Variants in ADAM2 observed in about 807,000 individuals in gnomAD.
The protein encoded by ADAM2 is disintegrin and metalloproteinase domain-containing protein 2.
In ADAM2, 101 loss-of-function variants were observed where a neutral mutation model predicts 99.3. That is an observed-to-expected ratio of 1.02 (90% CI 0.87 to 1.20). The LOEUF is 1.20. Ranked by LOEUF, ADAM2 falls within the 50% of genes most tolerant of loss-of-function variation. ADAM2 has a pLI of 0.00. For synonymous variants in ADAM2, 323 were observed against 287.6 expected (o/e 1.12, Z -1.25); for missense variants, 948 against 878.7 (o/e 1.08, Z -1.00).
At chr8:39,829,766 A>C (rs1290513054) in intron 3 of ADAM2, among the ~76,000 whole-genome samples, 1 of 152,050 alleles carries the variant, frequency 6.6e-6, no homozygotes, top group East Asian at 1.9e-4. Flanking sequence ...ATTGTTGTAT[A>C]ATCATGAAAT....
chr8:39,770,177 G>A (rs1802725598), intron 11 of ADAM2, among the ~76,000 whole-genome samples: 1 of 152,032 alleles, frequency 6.6e-6, no homozygotes, highest in African/African-American at 2.4e-5. Flanking sequence ...TAGAACTCCT[G>A]ACCTCGTGAT....
rs764701496 is a variant in ADAM2 at position 39,809,463 on chromosome 8, G to T, written c.517C>A (p.Gln173Lys). The change falls in exon 7 of 21, where the codon CAG becomes AAG. Residue 173 changes from glutamine (Q) to lysine (K), a missense_variant. Transcript: ENST00000265708. The part of the protein sequence containing the change: ...LSFKLQSVEP[Q>K]QDFAKYIEMH... ...TCTATATACTTTGCAAAATCTTGCT[G>T]TGGCTGAAAAAATCCACAAATTTTA... 7.0e-7 allele frequency: 1 copy of T among 1,428,760 alleles called. No homozygotes were observed. The highest frequency in any genetic ancestry group is 9.7e-7 in the Non-Finnish European group (1 of 1,026,688). The allele number at this position is 1,428,760 out of a possible 1,614,324, so 88.5% of individuals were successfully genotyped here. A position where few individuals can be genotyped will look rare whatever the true frequency, so the allele number is the denominator to read the frequency against.
Position 39,766,928 on chromosome 8 carries a change from G to C in ADAM2, c.1427C>G (p.Pro476Arg). The change falls in exon 14 of 21, where the codon CCG becomes CGG. Residue 476 changes from proline to arginine, a missense_variant. Pro to Arg is a moderately radical substitution (Grantham distance 103, BLOSUM62 -2). Transcript: ENST00000265708. ...PENHYVQTGH[P>R]CGLNQWICID... ...ACAGATCCATTGATTCAGTCCACAC[G>C]GATGCCCAGTCTGAACATAGTGGTT... 6.2e-7 allele frequency: 1 copy of C among 1,613,978 alleles called. No homozygotes were observed. The highest frequency in any genetic ancestry group is 8.5e-7 in the Non-Finnish European group (1 of 1,179,946).
chr8:39,787,238 A>G (rs573844009), intron 9 of ADAM2, among the ~76,000 whole-genome samples, 183 bp from the exon 10 acceptor site: 125 of 151,964 alleles, frequency 8.2e-4, no homozygotes, highest in Non-Finnish European at 1.6e-3. Flanking sequence ...TTTAAAAACA[A>G]AGTGTATTTT....
chr8:39,796,055 CT>C (rs999034743), intron 7 of ADAM2, among the ~76,000 whole-genome samples: 14 of 150,492 alleles, frequency 9.3e-5, no homozygotes, highest in Admixed American at 7.3e-4. Context: ...ATTAGATTCT[CT>C]TTTTTTTTCC....
At chr8:39,780,791 G>T (rs1325465087) in intron 10 of ADAM2, among the ~76,000 whole-genome samples, 1 of 151,972 alleles carries the variant, frequency 6.6e-6, no homozygotes, top group Non-Finnish European at 1.5e-5. Flanking sequence ...TACTAGTATT[G>T]ATATATAAAT....
chr8:39,821,493 C>T (rs1805186258), intron 5 of ADAM2, 93 bp downstream of exon 5: 1 of 985,552 alleles, frequency 1.0e-6, no homozygotes, highest in Non-Finnish European at 1.5e-6. Context: ...AGTCATGCCA[C>T]ACTTTAGAAC....
At chr8:39,757,576 T>G (rs944049496) in intron 15 of ADAM2, among the ~76,000 whole-genome samples, 3 of 152,156 alleles carry the variant, frequency 2.0e-5, no homozygotes, top group African/African-American at 7.2e-5. Flanking sequence ...GAAACCTGGA[T>G]GACTACTGAA....
At chr8:39,808,918 A>AAAAT (rs755612582) in intron 7 of ADAM2, among the ~76,000 whole-genome samples, 3 of 152,276 alleles carry the variant, frequency 2.0e-5, no homozygotes, top group Non-Finnish European at 4.4e-5. Context: ...TCCATCACAA[A>AAAAT]AAATAAATAA....
intron 3 of ADAM2, among the ~76,000 whole-genome samples, chr8:39,826,211 A>G (rs1805392394): frequency 6.6e-6 from 1 of 152,242 alleles, no homozygotes; most frequent in African/African-American, 2.4e-5. Context: ...CATAGTAACC[A>G]AAAGAGCATA....
chr8:39,781,818 T>A (rs1236260182), intron 10 of ADAM2, among the ~76,000 whole-genome samples: 1 of 152,184 alleles, frequency 6.6e-6, no homozygotes, highest in Non-Finnish European at 1.5e-5. Context: ...ATTTTTGATG[T>A]TTCACTATCG....
At chr8:39,766,699 C>A (rs1397598032) in intron 14 of ADAM2, 149 bp downstream of exon 14, 2 of 658,466 alleles carry the variant, frequency 3.0e-6, no homozygotes, top group East Asian at 5.8e-5. Context: ...TGAGCCACCG[C>A]GCCTGGCCGT....
chr8:39,823,658 G>A (rs1805287334), intron 4 of ADAM2, among the ~76,000 whole-genome samples: 1 of 151,728 alleles, frequency 6.6e-6, no homozygotes, highest in African/African-American at 2.4e-5. Context: ...CTCTGTCTTG[G>A]ATTCTCACTC....
chr8:39,803,513 T>A (rs1804302093), intron 7 of ADAM2, among the ~76,000 whole-genome samples: 1 of 152,198 alleles, frequency 6.6e-6, no homozygotes, highest in Non-Finnish European at 1.5e-5. Context: ...ATCCACTTTT[T>A]TTGAGCTATG....
chr8:39,835,279 A>G (rs1348063945), intron 2 of ADAM2, among the ~76,000 whole-genome samples: 2 of 152,096 alleles, frequency 1.3e-5, no homozygotes, highest in African/African-American at 4.8e-5. Flanking sequence ...AGCCTTTCAC[A>G]TGTTGCATTT....
intron 3 of ADAM2, among the ~76,000 whole-genome samples, chr8:39,831,608 AG>A (rs1158218054): frequency 6.6e-6 from 1 of 152,186 alleles, no homozygotes; most frequent in Non-Finnish European, 1.5e-5. Context: ...AGAGATAAAA[AG>A]CCATAAAAGA....
intron 11 of ADAM2, among the ~76,000 whole-genome samples, chr8:39,770,542 A>G (rs1162797771): frequency 1.3e-5 from 2 of 152,212 alleles, no homozygotes; most frequent in Admixed American, 6.5e-5. Flanking sequence ...CAAATGAGTT[A>G]AAGTCTTGGT....
chr8:39,762,278 T>C (rs1346104572), intron 14 of ADAM2, among the ~76,000 whole-genome samples: 1 of 152,188 alleles, frequency 6.6e-6, no homozygotes, highest in Non-Finnish European at 1.5e-5. Context: ...ACAGATGATG[T>C]AGTGAACTGA....
chr8:39,796,508 G>C (rs1229536959), intron 7 of ADAM2, among the ~76,000 whole-genome samples: 1 of 152,152 alleles, frequency 6.6e-6, no homozygotes, highest in Non-Finnish European at 1.5e-5. Context: ...ACATACATGA[G>C]CATGTGTCTT....
Sources: gnomAD v4.1 joint callset for allele counts (sites outside exome capture counted in the v4.1 genomes callset) on GRCh38, gnomAD v4.1.1 for gene constraint, MANE v1.5 for transcripts, NCBI Gene and HGNC (gene_info 2026-07-23, HGNC 2026-07-21) for gene names.